Variants in ELP2 observed in about 807,000 individuals in gnomAD.
ELP2 encodes the protein elongator acetyltransferase complex subunit 2.
In ELP2, 90 loss-of-function variants were observed where a neutral mutation model predicts 119.2. The observed-to-expected ratio is 0.75, with a 90% CI of 0.64 to 0.90. The LOEUF (loss-of-function observed/expected upper bound fraction) is 0.90, where lower values mean the gene tolerates loss of function less well. Among genes scored for constraint, ELP2 ranks in the 40% least tolerant of loss-of-function variants. The probability of loss-of-function intolerance (pLI) is 0.00; values close to 1 mark genes in which losing one functional copy is unlikely to be tolerated. For synonymous variants in ELP2, 339 were observed against 331.0 expected (o/e 1.02, Z -0.26); for missense variants, 921 against 967.8 (o/e 0.95, Z 0.64).
At chr18:36,157,153 TG>T (rs1346936864) in intron 13 of ELP2, among the ~76,000 whole-genome samples, 1 of 152,202 alleles carries the variant, frequency 6.6e-6, no homozygotes, top group Non-Finnish European at 1.5e-5. Flanking sequence ...ATTTGGGTTT[TG>T]TAAGGGTAAC....
chr18:36,144,323 C>G (rs2144641702), intron 8 of ELP2, among the ~76,000 whole-genome samples: 1 of 152,186 alleles, frequency 6.6e-6, no homozygotes, highest in African/African-American at 2.4e-5. Context: ...TTGTATTTGT[C>G]CATTCTTACG....
chr18:36,154,901 G>T lies in ELP2; in HGVS notation c.1177G>T (p.Asp393Tyr). Residue 393 changes from aspartate (D) to tyrosine (Y), a missense_variant, in exon 12 of 22, where the codon GAC becomes TAC. By Grantham distance (160) the Asp-to-Tyr change is radical (BLOSUM62 -3). Transcript: ENST00000358232. ...TTCAGGACACTTTGATGGTGTCCAA[G>T]ACCTAGTCTGGGATCCAGAAGGAGA... The part of the protein sequence containing the change: ...VISGHFDGVQ[D>Y]LVWDPEGEFI... 6.2e-7 allele frequency: 1 copy of T among 1,613,914 alleles called. No individual in the cohort carries two copies. Among genetic ancestry groups the T allele is most frequent in the Non-Finnish European group, 8.5e-7 (1 of 1,179,776 alleles).
At position 36,156,623 on chromosome 18, in the gene ELP2, C is replaced by T; in HGVS notation, c.1433C>T (p.Thr478Ile). ...TTTGTGGAAAATTTTTGTGCCATTA[C>T]AGGACAATCACTGAATCATGTGCTC... ...RNFVENFCAI[T>I]GQSLNHVLCN... Residue 478 changes from threonine (T) to isoleucine (I), a missense_variant, in exon 13 of 22, where the codon ACA becomes ATA. Thr to Ile is a moderately conservative substitution (Grantham distance 89). Coordinates refer to ENST00000358232, the MANE Select transcript of ELP2 (RefSeq NM_018255.4). 1 of 1,614,102 alleles carries T rather than the reference C, an allele frequency of 6.2e-7. No individual in the cohort carries two copies. The highest frequency in any genetic ancestry group is 8.5e-7 in the Non-Finnish European group (1 of 1,179,996).
rs2090584790 is a variant in ELP2, at chr18:36,156,647, T to C, written c.1457T>C (p.Leu486Pro). The change falls in exon 13 of 22, where the codon CTC becomes CCC. Residue 486 changes from leucine (L) to proline (P), a missense_variant. Coordinates refer to ENST00000358232, the MANE Select transcript of ELP2 (RefSeq NM_018255.4). ...AITGQSLNHV[L>P]CNQDSDLPEG... The stretch of plus-strand genomic sequence containing the variant: ...ACAGGACAATCACTGAATCATGTGC[T>C]CTGTAATGTGAGTATTTCTCTAAAT... The C allele has an allele frequency of 6.2e-7, 1 of 1,613,604 alleles. No individual in the cohort carries two copies. Among genetic ancestry groups the C allele is most frequent in the African/African-American group, 1.3e-5 (1 of 74,938 alleles).
At chr18:36,133,057 A>T (rs1459924496) in intron 1 of ELP2, among the ~76,000 whole-genome samples, 181 bp from the exon 2 acceptor site, 2 of 152,150 alleles carry the variant, frequency 1.3e-5, no homozygotes, top group African/African-American at 4.8e-5. Flanking sequence ...GGCAGGACTG[A>T]TTTAGAGGAA....
rs928357049 is a variant in ELP2 at position 36,142,442 on chromosome 18, T to A, written c.655+95T>A. 1.9e-5 allele frequency: 20 copies of A among 1,049,992 alleles called. No individual in the cohort carries two copies. The Admixed American group carries it at 3.1e-4, about 16-fold the overall frequency. The allele number at this position is 1,049,992 out of a possible 1,614,324, so 65.0% of individuals were successfully genotyped here. ...TTTTTGTTTTAATTTTTAAGTTTTC[T>A]TTGTATGTTATGTTTTTCTATTGTC... On this transcript the variant is annotated intron_variant, in intron 7 of 21. Transcript: ENST00000358232.
chr18:36,171,189 A>G (rs1374356643), intron 21 of ELP2, 29 bp downstream of exon 21: 1 of 1,538,906 alleles, frequency 6.5e-7, no homozygotes, highest in South Asian at 1.1e-5. Flanking sequence ...TGTTTCCATC[A>G]GATTAACTAG....
Position 36,145,806 on chromosome 18 carries a change from T to A in ELP2, c.893-142T>A, listed in dbSNP as rs2090179068. On this transcript the variant is annotated intron_variant, in intron 9 of 21. Coordinates refer to ENST00000358232, the MANE Select transcript of ELP2 (RefSeq NM_018255.4). ...ATCTCTTCTTCTAATGGTAGACATTTGTGGTGTTTGCAATTTTTTGCTATT... is the reference window on the plus strand; with the variant it reads ...ATCTCTTCTTCTAATGGTAGACATTAGTGGTGTTTGCAATTTTTTGCTATT... 5.3e-6 allele frequency: 4 copies of A among 757,784 alleles called. No homozygotes were observed. In the South Asian group the frequency reaches 5.6e-5, roughly 11 times the overall value. 46.9% of individuals were successfully genotyped at this position (757,784 alleles called of 1,614,324 possible). A position where few individuals can be genotyped will look rare whatever the true frequency, so the allele number is the denominator to read the frequency against.
chr18:36,177,680 G>A lies in ELP2; in HGVS notation c.*3039G>A, dbSNP rs1046649145. The A allele has an allele frequency of 4.6e-5, 7 of 151,830 alleles. No homozygotes were observed. Among genetic ancestry groups the A allele is most frequent in the African/African-American group, 1.7e-4 (7 of 41,286 alleles). The allele number at this position is 151,830 out of a possible 1,614,324, so 9.4% of individuals were successfully genotyped here. ...TTTACCACAGTTTTTTTTAAAGCAT[G>A]GTAAACACCATTTCCCAGGATGTAA... On this transcript the variant is annotated 3_prime_UTR_variant, in exon 22 of 22. Transcript: ENST00000358232.
chr18:36,147,484 G>A (rs916652093), intron 11 of ELP2, among the ~76,000 whole-genome samples: 32 of 150,888 alleles, frequency 2.1e-4, no homozygotes, highest in African/African-American at 2.7e-4. Flanking sequence ...GTGTGATCTC[G>A]GCTCACTGCA....
At chr18:36,171,972 G>T (rs1481513635) in intron 21 of ELP2, among the ~76,000 whole-genome samples, 1 of 152,114 alleles carries the variant, frequency 6.6e-6, no homozygotes. Flanking sequence ...CTCCTGTCTT[G>T]GCCTCCCAAA....
chr18:36,138,763 A>T, intron 4 of ELP2, 32 bp from the exon 5 acceptor site: 1 of 1,535,218 alleles, frequency 6.5e-7, no homozygotes, highest in Non-Finnish European at 9.0e-7. Flanking sequence ...TGAGGTAGTT[A>T]GTTGTTCATT....
At chr18:36,167,452 T>C (rs960268237) in intron 19 of ELP2, among the ~76,000 whole-genome samples, 6 of 152,118 alleles carry the variant, frequency 3.9e-5, no homozygotes, top group African/African-American at 1.4e-4. Context: ...CTTTCAGACA[T>C]ATGACCTTCA....
intron 5 of ELP2, chr18:36,139,280 G>A: frequency 1.4e-6 from 1 of 732,616 alleles, no homozygotes; most frequent in Non-Finnish European, 2.2e-6. Context: ...CCCGAATAAT[G>A]ACATTTTGCC....
chr18:36,175,458 C>T lies in ELP2; in HGVS notation c.*817C>T, dbSNP rs1222320162. 1 of 152,140 alleles carries T rather than the reference C, an allele frequency of 6.6e-6. No homozygotes were observed. The highest frequency in any genetic ancestry group is 1.5e-5 in the Non-Finnish European group (1 of 68,018). 9.4% of individuals were successfully genotyped at this position (152,140 alleles called of 1,614,324 possible). A position where few individuals can be genotyped will look rare whatever the true frequency, so the allele number is the denominator to read the frequency against. ...AGGTTTGAGCTGCAGCCAGTCATTT[C>T]TTTTATTCTTTAAAAGTACATAGAT... On this transcript the variant is annotated 3_prime_UTR_variant, in exon 22 of 22. Transcript: ENST00000358232.
At position 36,180,078 on chromosome 18, in the gene ELP2, A is replaced by G. The variant is rs1264909447; in HGVS notation, c.*5437A>G. 1 of 152,166 alleles carries G rather than the reference A, an allele frequency of 6.6e-6. No homozygotes were observed. The highest frequency in any genetic ancestry group is 1.5e-5 in the Non-Finnish European group (1 of 68,032). The allele number at this position is 152,166 out of a possible 1,614,324, so 9.4% of individuals were successfully genotyped here. A position where few individuals can be genotyped will look rare whatever the true frequency, so the allele number is the denominator to read the frequency against. The stretch of plus-strand genomic sequence containing the variant: ...GGCAGACAGACCAGGATGGGGAGGG[A>G]GATGTCTACAGGGTCAAGGACCCAG... On this transcript the variant is annotated 3_prime_UTR_variant, in exon 22 of 22. Coordinates refer to ENST00000358232, the MANE Select transcript of ELP2 (RefSeq NM_018255.4).
At chr18:36,145,151 T>C in intron 9 of ELP2, 117 bp downstream of exon 9, 2 of 810,144 alleles carry the variant, frequency 2.5e-6, no homozygotes, top group Non-Finnish European at 4.3e-6. Context: ...ATACATGACA[T>C]TTTCAAGTTG....
intron 13 of ELP2, among the ~76,000 whole-genome samples, chr18:36,157,136 G>A (rs574734705): frequency 2.6e-5 from 4 of 152,174 alleles, no homozygotes; most frequent in Non-Finnish European, 5.9e-5. Flanking sequence ...ATGTTTAATG[G>A]GACTTGATTT....
rs779649567 is a variant in ELP2 at position 36,138,801 on chromosome 18, G to A, written c.452G>A (p.Cys151Tyr). The stretch of plus-strand genomic sequence containing the variant: ...GTTTTTTATTATTTCTTAGTAATGT[G>A]CCTTCAGACTTTAAACTTTGGAAAT... The part of the protein sequence containing the change: ...LWSKKGPEVM[C>Y]LQTLNFGNGF... The change falls in exon 5 of 22, where the codon TGC becomes TAC. Residue 151 changes from cysteine to tyrosine, a missense_variant. Transcript: ENST00000358232. The A allele has an allele frequency of 1.2e-6, 2 of 1,613,444 alleles. No individual in the cohort carries two copies. Among genetic ancestry groups the A allele is most frequent in the East Asian group, 4.5e-5 (2 of 44,846 alleles).
Sources: gnomAD v4.1 joint callset for allele counts (sites outside exome capture counted in the v4.1 genomes callset) on GRCh38, gnomAD v4.1.1 for gene constraint, MANE v1.5 for transcripts, NCBI Gene and HGNC (gene_info 2026-07-23, HGNC 2026-07-21) for gene names.